Variants in OSBPL10 observed in about 807,000 individuals in gnomAD.
OSBPL10 encodes the protein oxysterol-binding protein-related protein 10.
In OSBPL10, 49 loss-of-function variants were observed where a neutral mutation model predicts 81.7. The observed-to-expected ratio is 0.60, with a 90% CI of 0.48 to 0.76. The LOEUF (loss-of-function observed/expected upper bound fraction) is 0.76. Ranked by LOEUF, OSBPL10 falls within the 30% of genes least tolerant of loss-of-function variation. The probability of loss-of-function intolerance (pLI) is 0.00; values close to 1 mark genes in which losing one functional copy is unlikely to be tolerated. For missense variants in OSBPL10, 923 were observed against 987.8 expected (o/e 0.93, Z 0.88); for synonymous variants, 419 against 383.6 (o/e 1.09, Z -1.08).
At chr3:32,031,555 A>C (rs1292166674) in intron 2 of OSBPL10, among the ~76,000 whole-genome samples, 1 of 151,612 alleles carries the variant, frequency 6.6e-6, no homozygotes, top group Non-Finnish European at 1.5e-5. Flanking sequence ...TCTGCCCCCC[A>C]GTTTCAAGTG....
intron 4 of OSBPL10, among the ~76,000 whole-genome samples, chr3:31,824,263 AG>A (rs930517799): frequency 2.0e-5 from 3 of 152,312 alleles, no homozygotes; most frequent in Middle Eastern, 3.4e-3. Flanking sequence ...AAATGGATGC[AG>A]GAAGAGCTCA....
chr3:31,665,581 C>T (rs1437160219), intron 10 of OSBPL10, among the ~76,000 whole-genome samples: 1 of 152,172 alleles, frequency 6.6e-6, no homozygotes, highest in Non-Finnish European at 1.5e-5. Context: ...GAAGAAACCC[C>T]AGCTGCACAC....
intron 6 of OSBPL10, among the ~76,000 whole-genome samples, chr3:31,716,169 G>T (rs1457368828): frequency 6.6e-6 from 1 of 152,170 alleles, no homozygotes; most frequent in East Asian, 1.9e-4. Context: ...TGGGGGCAGG[G>T]CAGAGACCAG....
intron 4 of OSBPL10, among the ~76,000 whole-genome samples, chr3:31,769,579 TA>T (rs1353597153): frequency 3.4e-5 from 5 of 146,716 alleles, no homozygotes; most frequent in South Asian, 2.1e-4. Context: ...TAACTCATTA[TA>T]AAAATATATT....
chr3:31,783,111 T>TA (rs1553625095), intron 4 of OSBPL10, among the ~76,000 whole-genome samples: 10 of 121,662 alleles, frequency 8.2e-5, no homozygotes, highest in African/African-American at 2.6e-4. Context: ...AATATATCTA[T>TA]TATATATATA....
chr3:31,792,740 AGTGTGTGTGTGTGTGTGTGTGTGTGT>A (rs10575874), intron 4 of OSBPL10, among the ~76,000 whole-genome samples: 1 of 133,606 alleles, frequency 7.5e-6, no homozygotes, highest in Non-Finnish European at 1.6e-5. Flanking sequence ...CCAGACACAG[AGTGTGTGTGTGTGTGTGTGTGTGTGT>A]GTGTGTGTGT....
Position 31,945,144 on chromosome 3 carries a change from C to T in OSBPL10, c.281+35755G>A, listed in dbSNP as rs569390080. Among the ~76,000 whole-genome samples the T allele has an allele frequency of 6.2e-4, 70 of 113,820 alleles. No individual in the cohort carries two copies. The South Asian group carries it at 7.0e-3, about 11-fold the overall frequency. 74.7% of individuals were successfully genotyped at this position (113,820 alleles called of 152,430 possible). A position where few individuals can be genotyped will look rare whatever the true frequency, so the allele number is the denominator to read the frequency against. ...CGAGCCTGGCGACAGAGCAAGACTC[C>T]GTCTCAAAAAAAAAAAAAAAAAAAA... On this transcript the variant is annotated intron_variant, in intron 1 of 11. Transcript: ENST00000396556.
intron 7 of OSBPL10, chr3:31,701,851 G>T (rs995061474): frequency 6.5e-6 from 1 of 153,966 alleles, no homozygotes; most frequent in Non-Finnish European, 1.4e-5. Flanking sequence ...AATGAGATTT[G>T]GATCAGCAAC....
chr3:31,938,535 AGCCCACTTTGTC>A, intron 1 of OSBPL10, among the ~76,000 whole-genome samples: 1 of 152,228 alleles, frequency 6.6e-6, no homozygotes, highest in South Asian at 2.1e-4. Context: ...GTTTAGATAG[AGCCCACTTTGTC>A]GCCCAGGCTG....
chr3:31,783,146 T>TATATATATATATATATATACACAC (rs1485968747), intron 4 of OSBPL10, among the ~76,000 whole-genome samples: 24 of 112,918 alleles, frequency 2.1e-4, no homozygotes, highest in Non-Finnish European at 3.0e-4. Context: ...TATATATATA[T>TATATATATATATATATATACACAC]ACACACACAC....
intron 2 of OSBPL10, chr3:31,991,508 C>T (rs181380602): frequency 8.0e-4 from 134 of 166,936 alleles, no homozygotes; most frequent in Admixed American, 4.4e-3. Flanking sequence ...TGTAAGTTCT[C>T]TAGCAAATGG....
At chr3:31,893,154 A>G (rs1384704939) in intron 1 of OSBPL10, among the ~76,000 whole-genome samples, 1 of 152,238 alleles carries the variant, frequency 6.6e-6, no homozygotes, top group African/African-American at 2.4e-5. Flanking sequence ...TCTCTGGCCA[A>G]TCTTTGACTA....
intron 3 of OSBPL10, among the ~76,000 whole-genome samples, chr3:31,856,944 C>T (rs777952488): frequency 2.0e-5 from 3 of 152,108 alleles, no homozygotes; most frequent in Non-Finnish European, 4.4e-5. Context: ...GGCATGGTGG[C>T]GGGCACCTGT....
At chr3:31,759,211 C>T (rs1175460871) in intron 4 of OSBPL10, among the ~76,000 whole-genome samples, 3 of 152,062 alleles carry the variant, frequency 2.0e-5, no homozygotes, top group African/African-American at 4.8e-5. Context: ...AGAAGGATTC[C>T]GAGTAGAAGG....
intron 2 of OSBPL10, chr3:31,989,979 C>T: frequency 1.2e-6 from 2 of 1,614,032 alleles, no homozygotes; most frequent in East Asian, 2.2e-5. Context: ...AACAATCAAA[C>T]CTTGCAAGTC....
At chr3:31,792,087 G>T (rs1358103150) in intron 4 of OSBPL10, among the ~76,000 whole-genome samples, 2 of 152,002 alleles carry the variant, frequency 1.3e-5, no homozygotes, top group African/African-American at 4.8e-5. Flanking sequence ...AAATTAGCCA[G>T]GTGTGGTGGC....
chr3:32,075,148 C>T (rs1031358255), intron 1 of OSBPL10, among the ~76,000 whole-genome samples: 4 of 152,350 alleles, frequency 2.6e-5, no homozygotes, highest in African/African-American at 9.6e-5. Context: ...GACTTCTCCA[C>T]TAGCATTACA....
chr3:31,875,203 A>G (rs1398103910), intron 3 of OSBPL10, among the ~76,000 whole-genome samples: 2 of 152,230 alleles, frequency 1.3e-5, no homozygotes, highest in Non-Finnish European at 2.9e-5. Flanking sequence ...TAAATTTACT[A>G]GAAAGATATT....
At chr3:31,850,315 C>A (rs1700732676) in intron 3 of OSBPL10, among the ~76,000 whole-genome samples, 1 of 152,028 alleles carries the variant, frequency 6.6e-6, no homozygotes, top group African/African-American at 2.4e-5. Context: ...GCCCAGGTTA[C>A]AGAGCAAGAC....
Sources: allele counts gnomAD v4.1 joint callset (sites outside exome capture counted in the v4.1 genomes callset), GRCh38; gene constraint gnomAD v4.1.1; transcripts MANE v1.5; gene names NCBI Gene and HGNC (gene_info 2026-07-23, HGNC 2026-07-21).